The following SEC14L5 variants were observed in gnomAD, a reference collection of about 807,000 sequenced individuals.
SEC14L5 encodes SEC14-like protein 5.
A neutral mutation model predicts 84.6 loss-of-function variants in SEC14L5; 96 were observed. That is an observed-to-expected ratio of 1.13 (90% CI 0.96 to 1.34). SEC14L5 has a LOEUF of 1.34. SEC14L5 is among the 40% of genes most tolerant of loss of function. SEC14L5 has a pLI of 0.00. For synonymous variants in SEC14L5, 546 were observed against 383.4 expected (o/e 1.42, Z -4.95); for missense variants, 1,224 against 942.5 (o/e 1.30, Z -3.91).
intron 2 of SEC14L5, among the ~76,000 whole-genome samples, chr16:4,964,604 C>G (rs1011317332): frequency 6.6e-6 from 1 of 152,010 alleles, no homozygotes. Flanking sequence ...GAACCAGACC[C>G]ACAGGCTCTC....
chr16:4,987,507 G>GGT (rs1955502710), intron 2 of SEC14L5, 50 bp from the exon 3 acceptor site: 1 of 1,452,946 alleles, frequency 6.9e-7, no homozygotes, highest in Admixed American at 2.3e-5. Flanking sequence ...TGGGGGGGGG[G>GGT]GTCCCTCTGC....
chr16:4,970,815 A>G (rs1248731710), intron 2 of SEC14L5, among the ~76,000 whole-genome samples: 1 of 152,244 alleles, frequency 6.6e-6, no homozygotes, highest in African/African-American at 2.4e-5. Context: ...AGGAACCAGT[A>G]AGAACTAGAC....
At chr16:4,982,445 T>A (rs905833386) in intron 2 of SEC14L5, among the ~76,000 whole-genome samples, 1 of 152,160 alleles carries the variant, frequency 6.6e-6, no homozygotes, top group Non-Finnish European at 1.5e-5. Flanking sequence ...CACGGACCCT[T>A]GCCCTCCCTG....
intron 11 of SEC14L5, among the ~76,000 whole-genome samples, chr16:5,004,250 C>T (rs960656172): frequency 7.9e-5 from 12 of 152,152 alleles, no homozygotes; most frequent in African/African-American, 2.9e-4. Flanking sequence ...AGGAAGTTCT[C>T]TAGCTTTTGT....
At chr16:5,001,014 C>T in intron 10 of SEC14L5, 89 bp downstream of exon 10, 3 of 1,043,068 alleles carry the variant, frequency 2.9e-6, no homozygotes, top group African/African-American at 1.6e-5. Context: ...CTGGGCTGGG[C>T]AGCGTGCCAG....
chr16:4,977,761 G>T (rs370205097), intron 2 of SEC14L5, among the ~76,000 whole-genome samples: 2 of 151,830 alleles, frequency 1.3e-5, no homozygotes, highest in South Asian at 4.2e-4. Context: ...CACTTGGCAG[G>T]CGTTTGAATT....
chr16:4,963,385 A>G (rs549504478), intron 2 of SEC14L5, among the ~76,000 whole-genome samples: 3 of 151,902 alleles, frequency 2.0e-5, no homozygotes, highest in Non-Finnish European at 4.4e-5. Context: ...TCGCTTTGTC[A>G]TCTAGGTTGG....
chr16:5,001,149 G>C (rs1179444541), intron 10 of SEC14L5, among the ~76,000 whole-genome samples: 1 of 152,066 alleles, frequency 6.6e-6, no homozygotes, highest in Non-Finnish European at 1.5e-5. Context: ...CGAAGCTTGT[G>C]AGCCGGTCAG....
intron 14 of SEC14L5, among the ~76,000 whole-genome samples, 175 bp downstream of exon 14, chr16:5,008,823 C>G (rs117845101): frequency 0.038 from 5,760 of 152,288 alleles, 142 homozygotes; most frequent in Non-Finnish European, 0.058. Flanking sequence ...GAAGTGCTCA[C>G]CTGCCCAATG....
At chr16:5,007,805 C>T (rs927784874) in intron 13 of SEC14L5, among the ~76,000 whole-genome samples, 1 of 150,966 alleles carries the variant, frequency 6.6e-6, no homozygotes, top group South Asian at 2.1e-4. Context: ...GGGTTTTCGT[C>T]ATGTTGGTCA....
rs750680673 is a variant in SEC14L5, at chr16:5,008,498, C to T, written c.1650C>T (p.Ser550=). The T allele has an allele frequency of 1.9e-6, 3 of 1,613,442 alleles. No homozygotes were observed. In the East Asian group the frequency reaches 6.7e-5, roughly 36 times the overall value. The change falls in exon 14 of 16, where the codon AGC becomes AGT. Residue 550 remains serine, a synonymous_variant. Coordinates refer to ENST00000251170, the MANE Select transcript of SEC14L5 (RefSeq NM_014692.2). ...TCCTGCGAGGGGACGTGGTGTTCAG[C>T]CTGTACCACACCAAGCAGGCGCCCA... ...FDILRGDVVF[S]LYHTKQAPRL... is the part of the protein sequence containing the mutation.
Position 4,969,886 on chromosome 16 carries a change from C to T in SEC14L5, c.63+10500C>T, listed in dbSNP as rs543712094. Among the ~76,000 whole-genome samples the T allele has an allele frequency of 7.0e-4, 106 of 151,060 alleles. 2 individuals carry two copies. Among genetic ancestry groups the T allele is most frequent in the African/African-American group, 2.3e-3 (93 of 41,126 alleles). On this transcript the variant is annotated intron_variant, in intron 2 of 15. Coordinates refer to ENST00000251170, the MANE Select transcript of SEC14L5 (RefSeq NM_014692.2). The stretch of plus-strand genomic sequence containing the variant: ...AGGCTGGGGTGCAGCGGCACGATCA[C>T]AGCTCACTGCAGCCTCAACCTTGCA...
chr16:5,014,230 C>G (rs2142539702), intron 15 of SEC14L5, among the ~76,000 whole-genome samples: 2 of 152,304 alleles, frequency 1.3e-5, no homozygotes, highest in South Asian at 4.1e-4. Context: ...TTGGACTGTG[C>G]AGGTGTACAG....
At position 5,005,916 on chromosome 16, in the gene SEC14L5, C is replaced by T; in HGVS notation, c.1305C>T (p.Ile435=). The change falls in exon 12 of 16, where the codon ATC becomes ATT. Residue 435 remains isoleucine, a splice_region_variant and synonymous_variant. Coordinates refer to ENST00000251170, the MANE Select transcript of SEC14L5 (RefSeq NM_014692.2). ...CTTGCCTTATGTCCTGGTTTCAGAT[C>T]AGCCCCTTCATCAATGAGAACACCA... ...PRVFPVLWTL[I]SPFINENTRR... is the part of the protein sequence containing the mutation. 6.4e-7 allele frequency: 1 copy of T among 1,551,080 alleles called. No homozygotes were observed. Among genetic ancestry groups the T allele is most frequent in the Non-Finnish European group, 8.8e-7 (1 of 1,138,174 alleles).
chr16:5,008,162 C>T (rs917979668), intron 13 of SEC14L5, among the ~76,000 whole-genome samples: 1 of 152,010 alleles, frequency 6.6e-6, no homozygotes, highest in Non-Finnish European at 1.5e-5. Context: ...GTGATCCACC[C>T]ACCTCGGCCT....
chr16:5,002,146 G>C (rs900641092), intron 10 of SEC14L5, among the ~76,000 whole-genome samples: 1 of 152,172 alleles, frequency 6.6e-6, no homozygotes, highest in African/African-American at 2.4e-5. Context: ...TCTTGCACTT[G>C]CTATGTAGCA....
intron 2 of SEC14L5, 53 bp downstream of exon 2, chr16:4,959,439 A>C (rs1049535485): frequency 2.1e-6 from 3 of 1,456,438 alleles, no homozygotes; most frequent in Non-Finnish European, 2.9e-6. Context: ...GGGGCTTGAG[A>C]TCAGCTATGG....
chr16:5,010,154 C>T (rs921030714), intron 14 of SEC14L5, among the ~76,000 whole-genome samples: 6 of 130,452 alleles, frequency 4.6e-5, no homozygotes, highest in Non-Finnish European at 6.2e-5. Context: ...ACCAGCCTGG[C>T]CAACATGGTG....
At chr16:5,006,757 C>A (rs1007489254) in intron 12 of SEC14L5, among the ~76,000 whole-genome samples, 1 of 152,214 alleles carries the variant, frequency 6.6e-6, no homozygotes, top group African/African-American at 2.4e-5. Context: ...TTTTAGCAAA[C>A]GGTTCTGCAG....
Sources: allele counts gnomAD v4.1 joint callset (sites outside exome capture counted in the v4.1 genomes callset), GRCh38; gene constraint gnomAD v4.1.1; transcripts MANE v1.5; gene names NCBI Gene and HGNC (gene_info 2026-07-23, HGNC 2026-07-21).